Variants in SLC44A5 observed in about 807,000 individuals in gnomAD.
SLC44A5 encodes the protein choline transporter-like protein 5.
In SLC44A5, 57 loss-of-function variants were observed where a neutral mutation model predicts 101.8. That is an observed-to-expected ratio of 0.56 (90% CI 0.45 to 0.70). The LOEUF (loss-of-function observed/expected upper bound fraction) is 0.70. Ranked by LOEUF, SLC44A5 falls within the 30% of genes least tolerant of loss-of-function variation. The probability of loss-of-function intolerance (pLI) is 0.00; values close to 1 mark genes in which losing one functional copy is unlikely to be tolerated. For missense variants in SLC44A5, 737 were observed against 853.1 expected, an observed-to-expected ratio of 0.86 and a Z score of 1.70; for synonymous variants, 281 against 290.9, an observed-to-expected ratio of 0.97 and a Z score of 0.35.
At chr1:75,276,111 T>C (rs1013612370) in intron 5 of SLC44A5, among the ~76,000 whole-genome samples, 6 of 152,176 alleles carry the variant, frequency 3.9e-5, no homozygotes, top group Admixed American at 6.6e-5. Context: ...GTCTTTTTAG[T>C]ATCTAGCACT....
intron 1 of SLC44A5, among the ~76,000 whole-genome samples, chr1:75,562,363 T>C (rs1300896252): frequency 1.3e-5 from 2 of 152,178 alleles, no homozygotes; most frequent in Non-Finnish European, 2.9e-5. Context: ...AATTTTCTTA[T>C]TATTTTTGTA....
chr1:75,691,737 T>G, the SLC44A5 span, among the ~76,000 whole-genome samples: 2 of 152,210 alleles, frequency 1.3e-5, no homozygotes, highest in Non-Finnish European at 2.9e-5. Flanking sequence ...CAGTGCCTGA[T>G]GAGGGCCCTT....
At chr1:75,296,492 A>G (rs1653974658) in intron 5 of SLC44A5, among the ~76,000 whole-genome samples, 1 of 152,040 alleles carries the variant, frequency 6.6e-6, no homozygotes, top group Admixed American at 6.6e-5. Context: ...CACCTAAGTC[A>G]GGTCCAAGTG....
rs186127787 is a variant in SLC44A5 at position 75,349,618 on chromosome 1, A to G, written c.53-9988T>C. Among the ~76,000 whole-genome samples, 204 of 152,310 alleles carry G rather than the reference A, an allele frequency of 1.3e-3. 1 individual carries two copies. The highest frequency in any genetic ancestry group is 3.0e-3 in the Admixed American group (46 of 15,290). On this transcript the variant is annotated intron_variant, in intron 3 of 23. Coordinates refer to ENST00000370859, the MANE Select transcript of SLC44A5 (RefSeq NM_001130058.2). ...AAATATATTGTGTAATGAGAGAAGA[A>G]AAAGTAAGCCAGATCAAAGACTTTT... is the stretch of plus-strand genomic sequence containing the variant.
At chr1:75,607,080 C>A (rs1182980763) in intron 1 of SLC44A5, among the ~76,000 whole-genome samples, 6 of 151,952 alleles carry the variant, frequency 3.9e-5, no homozygotes, top group African/African-American at 1.5e-4. Flanking sequence ...ACTTACATAT[C>A]CAGCTTCCTA....
chr1:75,637,138 G>A, the SLC44A5 span, among the ~76,000 whole-genome samples: 1 of 151,816 alleles, frequency 6.6e-6, no homozygotes, highest in Non-Finnish European at 1.5e-5. Flanking sequence ...CAGTTCATAG[G>A]AGCCAGCAAC....
intron 1 of SLC44A5, among the ~76,000 whole-genome samples, chr1:75,563,676 C>A (rs1185048616): frequency 6.6e-6 from 1 of 151,976 alleles, no homozygotes; most frequent in Non-Finnish European, 1.5e-5. Flanking sequence ...AAAAGACAAG[C>A]CAAGACCGTG....
intron 3 of SLC44A5, among the ~76,000 whole-genome samples, chr1:75,351,846 CAAAAAAAAAAAA>C (rs71071942): frequency 1.0e-3 from 29 of 28,414 alleles, no homozygotes; most frequent in South Asian, 5.2e-3. Flanking sequence ...CACACTTTAC[CAAAAAAAAAAAA>C]AAAAAAAAAA....
At chr1:75,684,969 C>G in the SLC44A5 span, among the ~76,000 whole-genome samples, 2 of 152,362 alleles carry the variant, frequency 1.3e-5, no homozygotes, top group Admixed American at 1.3e-4. Context: ...CAGCAAACCT[C>G]TGCCTAGACA....
At chr1:75,707,164 A>G in the SLC44A5 span, among the ~76,000 whole-genome samples, 1 of 152,246 alleles carries the variant, frequency 6.6e-6, no homozygotes. Context: ...CTAGTTAACA[A>G]CAAATTAATA....
At chr1:75,671,509 C>T in the SLC44A5 span, among the ~76,000 whole-genome samples, 1 of 152,012 alleles carries the variant, frequency 6.6e-6, no homozygotes, top group Non-Finnish European at 1.5e-5. Context: ...GGAAATAGAA[C>T]CATAAAAAAG....
chr1:75,571,641 G>A (rs1673079899), intron 1 of SLC44A5, among the ~76,000 whole-genome samples: 2 of 152,138 alleles, frequency 1.3e-5, no homozygotes, highest in South Asian at 4.1e-4. Context: ...TAATGTAAGT[G>A]TTCTGAGCAC....
At chr1:75,475,142 A>G (rs1271007265) in intron 2 of SLC44A5, among the ~76,000 whole-genome samples, 1 of 152,250 alleles carries the variant, frequency 6.6e-6, no homozygotes, top group Non-Finnish European at 1.5e-5. Flanking sequence ...AATAACATCA[A>G]TAATGATGAT....
intron 4 of SLC44A5, among the ~76,000 whole-genome samples, chr1:75,333,023 T>C (rs1272029457): frequency 6.6e-6 from 1 of 152,128 alleles, no homozygotes; most frequent in African/African-American, 2.4e-5. Flanking sequence ...GGGCTCATTA[T>C]CATAGAAAAT....
chr1:75,478,991 A>G (rs1364392586), intron 2 of SLC44A5, among the ~76,000 whole-genome samples: 3 of 152,244 alleles, frequency 2.0e-5, no homozygotes, highest in African/African-American at 2.4e-5. Context: ...AATTGACCGC[A>G]TACTTGGAAG....
the SLC44A5 span, among the ~76,000 whole-genome samples, chr1:75,699,261 G>A: frequency 1.3e-5 from 2 of 152,040 alleles, no homozygotes; most frequent in South Asian, 2.1e-4. Context: ...GAGAAAGGTC[G>A]GGTTACCCTC....
chr1:75,333,817 C>T lies in SLC44A5; in HGVS notation c.101+5765G>A, dbSNP rs138117523. Among the ~76,000 whole-genome samples, 205 of 152,256 alleles carry T rather than the reference C, an allele frequency of 1.3e-3. 1 individual carries two copies. The highest frequency in any genetic ancestry group is 4.6e-3 in the African/African-American group (193 of 41,506). ...ATTCAAAGCAGAGGTGACCCTTGCA[C>T]TCATACTTGAAGACATTCCAAGAAG... On this transcript the variant is annotated intron_variant, in intron 4 of 23. Transcript: ENST00000370859.
intron 2 of SLC44A5, among the ~76,000 whole-genome samples, chr1:75,479,650 G>T (rs1388289427): frequency 6.6e-6 from 1 of 152,200 alleles, no homozygotes; most frequent in Non-Finnish European, 1.5e-5. Flanking sequence ...AGAAAATCTA[G>T]AAGAAATGGA....
At chr1:75,231,370 A>T (rs1442849767) in intron 12 of SLC44A5, among the ~76,000 whole-genome samples, 4 of 152,184 alleles carry the variant, frequency 2.6e-5, no homozygotes, top group African/African-American at 9.7e-5. Flanking sequence ...GTATTATATA[A>T]AACAATACAG....
Sources: allele counts gnomAD v4.1 joint callset (sites outside exome capture counted in the v4.1 genomes callset), GRCh38; gene constraint gnomAD v4.1.1; transcripts MANE v1.5; gene names NCBI Gene and HGNC (gene_info 2026-07-23, HGNC 2026-07-21).